Variants in PCDH19 observed in about 807,000 individuals in gnomAD.
PCDH19 encodes the protein protocadherin 19, also known as protocadherin-19.
A neutral mutation model predicts 46.2 loss-of-function variants in PCDH19; 6 were observed. That is an observed-to-expected ratio of 0.13 (90% CI 0.07 to 0.26). The LOEUF is 0.26. Among genes scored for constraint, PCDH19 ranks in the 10% least tolerant of loss-of-function variants. PCDH19 has a pLI of 1.00. For missense variants in PCDH19, 740 were observed against 972.3 expected (o/e 0.76, Z 3.18); for synonymous variants, 481 against 415.7 (o/e 1.16, Z -1.91).
intron 5 of PCDH19, among the ~76,000 whole-genome samples, chrX:100,337,362 A>G (rs1434854063): frequency 8.9e-6 from 1 of 112,376 alleles, no homozygotes. Context: ...ACTCAGAGCT[A>G]TTAAGAGACA....
In PCDH19 at chrX:100,407,101, G is replaced by T. The variant is rs774368604; in HGVS notation, c.1497C>A (p.Asp499Glu). Residue 499 changes from aspartate (D) to glutamate (E), a missense_variant, in exon 1 of 6, where the codon GAC (aspartate) becomes GAA (glutamate). Around this residue, in one of 5 missense-constraint regions of PCDH19, gnomAD observed 186 missense variants for 319.9 expected, o/e 0.58. Coordinates refer to ENST00000373034, the MANE Select transcript of PCDH19 (RefSeq NM_001184880.2). The part of the protein sequence containing the change: ...SYQIVPSQVR[D>E]MPVFTYVSIN... ...TGGAGACATAGGTGAAGACAGGCAT[G>T]TCCCGCACCTGCGACGGCACGATCT... 2 of 1,212,065 alleles carry T rather than the reference G, an allele frequency of 1.7e-6. No homozygotes were observed. The highest frequency in any genetic ancestry group is 2.2e-6 in the Non-Finnish European group (2 of 895,561).
At chrX:100,320,407 G>C (rs1286168501) in intron 5 of PCDH19, among the ~76,000 whole-genome samples, 1 of 111,836 alleles carries the variant, frequency 8.9e-6, no homozygotes, top group Non-Finnish European at 1.9e-5. Context: ...GCTTGAATCA[G>C]GGCTTTTCCC....
chrX:100,372,046 G>T (rs1029283801), intron 3 of PCDH19, among the ~76,000 whole-genome samples: 1 of 111,300 alleles, frequency 9.0e-6, no homozygotes, highest in South Asian at 3.9e-4. Context: ...AGACCAGCCC[G>T]GCCAGTATGG....
intron 3 of PCDH19, among the ~76,000 whole-genome samples, 199 bp from the exon 4 acceptor site, chrX:100,350,903 C>G (rs754987174): frequency 8.9e-6 from 1 of 112,187 alleles, no homozygotes; most frequent in Admixed American, 9.4e-5. Context: ...CGCTGCAGAC[C>G]AGGGCGGCCT....
At chrX:100,384,749 G>T (rs925059368) in intron 3 of PCDH19, among the ~76,000 whole-genome samples, 1 of 111,427 alleles carries the variant, frequency 9.0e-6, no homozygotes, top group African/African-American at 3.3e-5. Flanking sequence ...TTTTTCATGT[G>T]GTCAAGCATA....
rs753232984 is a variant in PCDH19, at chrX:100,309,774, C to T, written c.2849-12899G>A. 2.4e-4 allele frequency among the ~76,000 whole-genome samples: 27 copies of T among 111,703 alleles called. No homozygotes were observed. The South Asian group carries it at 9.8e-3, about 40-fold the overall frequency. On this transcript the variant is annotated intron_variant, in intron 5 of 5. Transcript: ENST00000373034. ...AAAGGGATGTTGCCAAAAGACAAGA[C>T]AGAAGAAAAAAGGCCAGCCCTGGTT...
intron 5 of PCDH19, among the ~76,000 whole-genome samples, chrX:100,308,321 T>C (rs190876716): frequency 4.1e-4 from 46 of 111,486 alleles, no homozygotes; most frequent in Non-Finnish European, 3.8e-5. Context: ...GCTGGGATCA[T>C]TGACAAGTCA....
intron 5 of PCDH19, among the ~76,000 whole-genome samples, chrX:100,302,556 C>T (rs777205006): frequency 7.1e-5 from 8 of 112,315 alleles, no homozygotes; most frequent in Non-Finnish European, 1.3e-4. Flanking sequence ...GCATCTGCCA[C>T]AAAATGTGAA....
chrX:100,368,299 C>T (rs768296383), intron 3 of PCDH19, among the ~76,000 whole-genome samples: 2 of 111,349 alleles, frequency 1.8e-5, no homozygotes, highest in African/African-American at 6.5e-5. Context: ...TGGCTCTACT[C>T]CCCTTGTCAA....
chrX:100,327,837 T>C (rs1925743928), intron 5 of PCDH19, among the ~76,000 whole-genome samples: 1 of 111,639 alleles, frequency 9.0e-6, no homozygotes, highest in African/African-American at 3.3e-5. Context: ...AGTGTTGCTG[T>C]AAGGGATAAA....
At position 100,296,067 on chromosome X, in the gene PCDH19, G is replaced by A. The variant is rs1303158287; in HGVS notation, c.*210C>T. The A allele has an allele frequency of 6.8e-6, 3 of 443,744 alleles. No individual in the cohort carries two copies. Among genetic ancestry groups the A allele is most frequent in the Non-Finnish European group, 7.8e-6 (2 of 256,368 alleles). The allele number at this position is 443,744 out of a possible 1,213,427, so 36.6% of individuals were successfully genotyped here. On this transcript the variant is annotated 3_prime_UTR_variant, in exon 6 of 6. Transcript: ENST00000373034. The stretch of plus-strand genomic sequence containing the variant: ...CATCAAGGCCCCATGAACAACTCAA[G>A]CCAAAGCTAATTTGCTCCAACTGAA...
intron 3 of PCDH19, among the ~76,000 whole-genome samples, chrX:100,399,387 A>T (rs945812109): frequency 1.8e-5 from 2 of 111,732 alleles, no homozygotes; most frequent in African/African-American, 6.5e-5. Flanking sequence ...ATTACTCTAT[A>T]TTGCAAATCA....
At chrX:100,372,058 G>A (rs1376807021) in intron 3 of PCDH19, among the ~76,000 whole-genome samples, 2 of 111,132 alleles carry the variant, frequency 1.8e-5, no homozygotes, top group East Asian at 5.7e-4. Flanking sequence ...CCAGTATGGT[G>A]AAACCTCATC....
chrX:100,404,623 T>C (rs1928290742), intron 1 of PCDH19, among the ~76,000 whole-genome samples: 1 of 109,838 alleles, frequency 9.1e-6, no homozygotes, highest in African/African-American at 3.3e-5. Context: ...TTTTTTTTTT[T>C]TTTCAATATT....
chrX:100,406,924 G>A lies in PCDH19; in HGVS notation c.1674C>T (p.Asp558=). 2.5e-6 allele frequency: 3 copies of A among 1,211,670 alleles called. No individual in the cohort carries two copies. Among genetic ancestry groups the A allele is most frequent in the Non-Finnish European group, 3.4e-6 (3 of 895,396 alleles). ...GTGGGGCTGTGATGACCGGGGTGTTGTCGTTGACGTCGAGGATGATGACCC... is the reference window on the plus strand; with the variant it reads ...GTGGGGCTGTGATGACCGGGGTGTTATCGTTGACGTCGAGGATGATGACCC... ...TVRVIILDVN[D]NTPVITAPPL... is the part of the protein sequence containing the mutation. The change falls in exon 1 of 6, where the codon GAC becomes GAT. Residue 558 remains aspartate (D), a synonymous_variant. Transcript: ENST00000373034.
At chrX:100,312,135 G>GA (rs936543104) in intron 5 of PCDH19, among the ~76,000 whole-genome samples, 4 of 110,450 alleles carry the variant, frequency 3.6e-5, no homozygotes, top group African/African-American at 1.3e-4. Context: ...AGAGAAGAGA[G>GA]AAAGAGAGTG....
rs2147440770 is a variant in PCDH19, at chrX:100,291,899, A to G, written c.*4378T>C. 1 of 112,983 alleles carries G rather than the reference A, an allele frequency of 8.9e-6. No homozygotes were observed. Among genetic ancestry groups the G allele is most frequent in the Admixed American group, 9.3e-5 (1 of 10,703 alleles). The allele number at this position is 112,983 out of a possible 1,213,427, so 9.3% of individuals were successfully genotyped here. On this transcript the variant is annotated 3_prime_UTR_variant, in exon 6 of 6. Coordinates refer to ENST00000373034, the MANE Select transcript of PCDH19 (RefSeq NM_001184880.2). Reference sequence around the variant, plus strand: ...TGAAAATGTACATAACATACAGATCAGCATATACAACAATTTTATCTTCAT... The same window carrying G: ...TGAAAATGTACATAACATACAGATCGGCATATACAACAATTTTATCTTCAT...
In PCDH19 at chrX:100,295,125, T is replaced by C. The variant is rs1924554475; in HGVS notation, c.*1152A>G. 1 of 112,219 alleles carries C rather than the reference T, an allele frequency of 8.9e-6. No homozygotes were observed. The highest frequency in any genetic ancestry group is 3.2e-5 in the African/African-American group (1 of 30,795). The allele number at this position is 112,219 out of a possible 1,213,427, so 9.2% of individuals were successfully genotyped here. ...TATAAGCCTAAGATACAGAGCAACA[T>C]GGAGTTCTCAATCCCAGCCCATGAC... On this transcript the variant is annotated 3_prime_UTR_variant, in exon 6 of 6. Coordinates refer to ENST00000373034, the MANE Select transcript of PCDH19 (RefSeq NM_001184880.2).
At chrX:100,302,856 A>T (rs773641695) in intron 5 of PCDH19, among the ~76,000 whole-genome samples, 1 of 112,049 alleles carries the variant, frequency 8.9e-6, no homozygotes, top group East Asian at 2.8e-4. Context: ...AACTGTTAAT[A>T]ATAGTTTAAT....
Sources: allele counts gnomAD v4.1 joint callset (sites outside exome capture counted in the v4.1 genomes callset), GRCh38; gene constraint gnomAD v4.1.1; regional missense constraint gnomAD v4.1.1; transcripts MANE v1.5; gene names NCBI Gene and HGNC (gene_info 2026-07-23, HGNC 2026-07-21).